ASAP1: variants seen among roughly 807,000 people sequenced by gnomAD.
The protein encoded by ASAP1 is ArfGAP with SH3 domain, ankyrin repeat and PH domain 1.
Under a neutral mutation model 145.2 loss-of-function variants are expected in ASAP1, and 43 were observed. The observed-to-expected ratio is 0.30, with a 90% CI of 0.23 to 0.38. The LOEUF (loss-of-function observed/expected upper bound fraction) is 0.38. Among genes scored for constraint, ASAP1 ranks in the 10% least tolerant of loss-of-function variants. The pLI, the probability that ASAP1 is intolerant of heterozygous loss-of-function variation, is 1.00. For synonymous variants in ASAP1, 546 were observed against 515.5 expected (o/e 1.06, Z -0.80); for missense variants, 1,018 against 1,355.3 (o/e 0.75, Z 3.91).
chr8:130,279,926 G>C (rs987701681), intron 3 of ASAP1, among the ~76,000 whole-genome samples: 1 of 152,114 alleles, frequency 6.6e-6, no homozygotes, highest in African/African-American at 2.4e-5. Flanking sequence ...GAGGAGATGG[G>C]AACTAACTTT....
intron 5 of ASAP1, among the ~76,000 whole-genome samples, chr8:130,210,061 T>A (rs139552447): frequency 6.6e-6 from 1 of 152,226 alleles, no homozygotes; most frequent in Non-Finnish European, 1.5e-5. Flanking sequence ...GGACTACTTA[T>A]GAAGTTTTTA....
At chr8:130,443,056 A>G (rs1210392603) in intron 1 of ASAP1, among the ~76,000 whole-genome samples, 1 of 151,976 alleles carries the variant, frequency 6.6e-6, no homozygotes, top group Non-Finnish European at 1.5e-5. Flanking sequence ...CGGCTGCACC[A>G]GAGACAATGC....
In ASAP1 at chr8:130,058,052, T is replaced by C; in HGVS notation, c.3217A>G (p.Lys1073Glu). 1 of 1,613,854 alleles carries C rather than the reference T, an allele frequency of 6.2e-7. No homozygotes were observed. Residue 1073 changes from lysine to glutamate, a missense_variant, in exon 29 of 30, where the codon AAG (lysine) becomes GAG (glutamate). Transcript: ENST00000518721. ...TCTGCCTGGCAGTCATAAATGGTCT[T>C]CACTCGCCTCACTTTATTTTTCCCC... ...NTGKNKVRRV[K>E]TIYDCQADND...
intron 3 of ASAP1, among the ~76,000 whole-genome samples, chr8:130,260,637 G>C (rs1177796047): frequency 2.6e-5 from 4 of 152,098 alleles, no homozygotes; most frequent in Non-Finnish European, 4.4e-5. Context: ...ACTGTGGGGA[G>C]CACTGGCCCA....
intron 12 of ASAP1, among the ~76,000 whole-genome samples, chr8:130,158,832 C>T (rs1041491998): frequency 6.6e-6 from 1 of 151,804 alleles, no homozygotes; most frequent in East Asian, 1.9e-4. Flanking sequence ...CCAGGGTTCG[C>T]ACCATTCTCC....
At chr8:130,374,034 T>TAA (rs34199624) in intron 2 of ASAP1, among the ~76,000 whole-genome samples, 9,650 of 94,126 alleles carry the variant, frequency 0.1, 570 homozygotes, top group South Asian at 0.23. Flanking sequence ...TAACTCCCTT[T>TAA]AAAAAAAAAA....
chr8:130,435,337 TTTTC>T (rs907782231), intron 1 of ASAP1, among the ~76,000 whole-genome samples: 1 of 152,234 alleles, frequency 6.6e-6, no homozygotes, highest in Non-Finnish European at 1.5e-5. Flanking sequence ...AGCACATGCA[TTTTC>T]TTTCTTTCTT....
Position 130,264,279 on chromosome 8 carries a change from C to T in ASAP1, c.187-27285G>A, listed in dbSNP as rs545038110. On this transcript the variant is annotated intron_variant, in intron 3 of 29. Transcript: ENST00000518721. Reference sequence around the variant, plus strand: ...AGAAAAGTGCTGATGTTTCATTTCACCTGGTCCTTCCATGGTTGACCTGTC... The same window carrying T: ...AGAAAAGTGCTGATGTTTCATTTCATCTGGTCCTTCCATGGTTGACCTGTC... Among the ~76,000 whole-genome samples, 6 of 152,292 alleles carry T rather than the reference C, an allele frequency of 3.9e-5. No homozygotes were observed. In the East Asian group the frequency reaches 1.2e-3, roughly 29 times the overall value.
intron 3 of ASAP1, among the ~76,000 whole-genome samples, chr8:130,238,521 C>T (rs1163987632): frequency 1.3e-5 from 2 of 152,086 alleles, no homozygotes; most frequent in Non-Finnish European, 2.9e-5. Context: ...TCACTTGCAA[C>T]CACAGGTCCT....
At chr8:130,322,224 T>A (rs995466483) in intron 3 of ASAP1, among the ~76,000 whole-genome samples, 1 of 151,348 alleles carries the variant, frequency 6.6e-6, no homozygotes. Flanking sequence ...AAAAATTGCA[T>A]AAGAAACTGA....
chr8:130,172,924 A>G (rs986776365), intron 9 of ASAP1, among the ~76,000 whole-genome samples: 2 of 152,252 alleles, frequency 1.3e-5, no homozygotes, highest in Non-Finnish European at 2.9e-5. Context: ...AGAAAAATCA[A>G]TGTAATAATT....
chr8:130,307,912 T>C (rs1483151992), intron 3 of ASAP1, among the ~76,000 whole-genome samples: 4 of 152,338 alleles, frequency 2.6e-5, no homozygotes, highest in Admixed American at 2.0e-4. Flanking sequence ...TTAACTTTAG[T>C]GTTAAAATAC....
Position 130,060,859 on chromosome 8 carries a change from A to C in ASAP1, c.2912T>G (p.Leu971Arg). Residue 971 changes from leucine to arginine, a missense_variant, in exon 28 of 30, where the codon CTG becomes CGG. Physicochemically the swap from Leu to Arg is moderately radical, Grantham distance 102 (BLOSUM62 -2). Transcript: ENST00000518721. ...ELPPKPQLGD[L>R]PPKPQLSDLP... ...GTCTGAGAGTTGGGGTTTGGGTGGC[A>C]GGTCCCCCAGCTGTGGTTTGGGGGG... 6.2e-7 allele frequency: 1 copy of C among 1,613,936 alleles called. No individual in the cohort carries two copies. Among genetic ancestry groups the C allele is most frequent in the South Asian group, 1.1e-5 (1 of 91,050 alleles).
At chr8:130,331,318 G>A (rs1361789032) in intron 3 of ASAP1, among the ~76,000 whole-genome samples, 1 of 152,152 alleles carries the variant, frequency 6.6e-6, no homozygotes, top group Non-Finnish European at 1.5e-5. Flanking sequence ...TGATGGAACT[G>A]CCAAGCCCAG....
chr8:130,218,949 A>G (rs952987890), intron 4 of ASAP1, among the ~76,000 whole-genome samples: 4 of 152,250 alleles, frequency 2.6e-5, no homozygotes, highest in Admixed American at 2.6e-4. Context: ...GTGTATATAT[A>G]TAATTTCCTA....
intron 2 of ASAP1, among the ~76,000 whole-genome samples, chr8:130,366,280 C>T (rs373135007): frequency 1.3e-5 from 2 of 152,182 alleles, no homozygotes; most frequent in Non-Finnish European, 2.9e-5. Flanking sequence ...TTTGGCACAC[C>T]ATCACTTAAC....
intron 23 of ASAP1, among the ~76,000 whole-genome samples, chr8:130,113,056 T>A (rs2097549294): frequency 6.6e-6 from 1 of 152,298 alleles, no homozygotes; most frequent in East Asian, 1.9e-4. Flanking sequence ...CCTTCTCCAG[T>A]TTCCTTCCTC....
In ASAP1 at chr8:130,076,385, G is replaced by A; in HGVS notation, c.2664C>T (p.Ala888=). 1 of 1,611,982 alleles carries A rather than the reference G, an allele frequency of 6.2e-7. No individual in the cohort carries two copies. ...GTTTAGGAAGAACTCTTGGGCCAAGGGCAGTCTTTGCAGAACTGGTGCTAA... is the reference window on the plus strand; with the variant it reads ...GTTTAGGAAGAACTCTTGGGCCAAGAGCAGTCTTTGCAGAACTGGTGCTAA... The part of the protein sequence containing the change: ...QQSSTSSAKT[A]LGPRVLPKLP... The change falls in exon 27 of 30, where the codon GCC becomes GCT. Residue 888 remains alanine (A), a synonymous_variant. Coordinates refer to ENST00000518721, the MANE Select transcript of ASAP1 (RefSeq NM_018482.4).
intron 24 of ASAP1, among the ~76,000 whole-genome samples, chr8:130,093,686 A>AAAAAAAAAAAAAAAAAAAAAAAAAG (rs767063471): frequency 1.5e-5 from 2 of 131,980 alleles, no homozygotes; most frequent in African/African-American, 6.6e-5. Context: ...AAAAAAAAAA[A>AAAAAAAAAAAAAAAAAAAAAAAAAG]AAAGAAAGCT....
Sources: allele counts gnomAD v4.1 joint callset (sites outside exome capture counted in the v4.1 genomes callset), GRCh38; gene constraint gnomAD v4.1.1; transcripts MANE v1.5; gene names NCBI Gene and HGNC (gene_info 2026-07-23, HGNC 2026-07-21).